PCMTD1: variants seen among roughly 807,000 people sequenced by gnomAD.
The protein encoded by PCMTD1 is protein-L-isoaspartate (D-aspartate) O-methyltransferase domain containing 1.
PCMTD1 carries 12 observed loss-of-function variants against 37.6 expected under a neutral mutation model. The ratio of observed to expected loss-of-function variants is 0.32; its 90% CI spans 0.20 to 0.52. The LOEUF (loss-of-function observed/expected upper bound fraction) is 0.52, where lower values mean the gene tolerates loss of function less well. Among genes scored for constraint, PCMTD1 ranks in the 20% least tolerant of loss-of-function variants. PCMTD1 has a pLI of 0.97. For missense variants in PCMTD1, 235 were observed against 421.3 expected, an observed-to-expected ratio of 0.56 and a Z score of 3.87; for synonymous variants, 117 against 135.8, an observed-to-expected ratio of 0.86 and a Z score of 0.96.
chr8:51,873,542 T>G (rs77532876), intron 1 of PCMTD1, among the ~76,000 whole-genome samples: 2 of 152,068 alleles, frequency 1.3e-5, no homozygotes, highest in Non-Finnish European at 2.9e-5. Context: ...GTTACTGATA[T>G]AGTTTTAATA....
intron 1 of PCMTD1, among the ~76,000 whole-genome samples, chr8:51,891,696 G>GTATA (rs5891441): frequency 0.019 from 2,660 of 142,642 alleles, 33 homozygotes; most frequent in East Asian, 0.048. Context: ...ACATATATAT[G>GTATA]TATATATATA....
At chr8:51,844,112 T>A (rs1021495570) in intron 3 of PCMTD1, among the ~76,000 whole-genome samples, 55 of 152,268 alleles carry the variant, frequency 3.6e-4, no homozygotes, top group African/African-American at 1.3e-3. Context: ...GCACTTACCA[T>A]GCCACTATAA....
intron 2 of PCMTD1, chr8:51,849,053 T>C (rs1764314402): frequency 6.6e-6 from 1 of 152,162 alleles, no homozygotes; most frequent in African/African-American, 2.4e-5. Context: ...CAACTCACAT[T>C]TGGTATCTGT....
chr8:51,889,684 A>C (rs1314793805), intron 1 of PCMTD1, among the ~76,000 whole-genome samples: 1 of 152,220 alleles, frequency 6.6e-6, no homozygotes, highest in African/African-American at 2.4e-5. Flanking sequence ...CGAAAATGTG[A>C]AAATGTGGAA....
At chr8:51,833,827 TATA>T (rs1198770618) in intron 3 of PCMTD1, 138 bp from the exon 4 acceptor site, 13 of 545,978 alleles carry the variant, frequency 2.4e-5, no homozygotes, top group Middle Eastern at 9.8e-4. Context: ...TTTATTTAAA[TATA>T]ATATTTATTA....
At chr8:51,873,902 T>C (rs551549568) in intron 1 of PCMTD1, among the ~76,000 whole-genome samples, 7 of 151,980 alleles carry the variant, frequency 4.6e-5, no homozygotes, top group Admixed American at 2.0e-4. Flanking sequence ...TATTTCTTTT[T>C]TTTTTCTTTT....
At chr8:51,897,556 C>CTGAAG (rs2039023517) in intron 1 of PCMTD1, among the ~76,000 whole-genome samples, 1 of 152,132 alleles carries the variant, frequency 6.6e-6, no homozygotes, top group African/African-American at 2.4e-5. Flanking sequence ...AATTCAGCAA[C>CTGAAG]TTTATGTTTT....
chr8:51,867,548 GATAA>G (rs1304860255), intron 1 of PCMTD1, among the ~76,000 whole-genome samples: 1 of 149,216 alleles, frequency 6.7e-6, no homozygotes, highest in African/African-American at 2.5e-5. Flanking sequence ...AGAAGAAAAA[GATAA>G]ATATAGACTT....
chr8:51,877,919 A>G (rs1416981630), intron 1 of PCMTD1, among the ~76,000 whole-genome samples: 1 of 152,034 alleles, frequency 6.6e-6, no homozygotes, highest in Non-Finnish European at 1.5e-5. Context: ...ACTAAAGTTA[A>G]AAAAAAATTC....
intron 1 of PCMTD1, among the ~76,000 whole-genome samples, chr8:51,881,478 T>C (rs1240164297): frequency 6.6e-6 from 1 of 152,150 alleles, no homozygotes; most frequent in South Asian, 2.1e-4. Flanking sequence ...CAGACTGTCA[T>C]CCTAATCCCA....
intron 2 of PCMTD1, among the ~76,000 whole-genome samples, chr8:51,859,343 G>C (rs1319674134): frequency 1.3e-5 from 2 of 152,080 alleles, no homozygotes; most frequent in African/African-American, 4.8e-5. Context: ...GGTGATAGAA[G>C]TGACAGATAT....
rs2037802731 is a variant in PCMTD1 at position 51,818,853 on chromosome 8, GA to G, written c.*1497del. 6.6e-6 allele frequency: 1 copy of G among 152,320 alleles called. No homozygotes were observed. The highest frequency in any genetic ancestry group is 2.1e-4 in the South Asian group (1 of 4,838). 9.4% of individuals were successfully genotyped at this position (152,320 alleles called of 1,614,324 possible). ...AACAATATCTGAATCTTAGCAGAGA[GA>G]TAATAATCCTTTCACTATACATTGC... is the stretch of plus-strand genomic sequence containing the variant. On this transcript the variant is annotated 3_prime_UTR_variant, in exon 6 of 6. Coordinates refer to ENST00000522514, the MANE Select transcript of PCMTD1 (RefSeq NM_052937.4).
Position 51,845,825 on chromosome 8 carries a change from T to C in PCMTD1, c.308-62A>G, listed in dbSNP as rs192307994. 6.1e-6 allele frequency: 7 copies of C among 1,147,978 alleles called. No individual in the cohort carries two copies. The African/African-American group carries it at 1.1e-4, about 18-fold the overall frequency. The allele number at this position is 1,147,978 out of a possible 1,614,324, so 71.1% of individuals were successfully genotyped here. A position where few individuals can be genotyped will look rare whatever the true frequency, so the allele number is the denominator to read the frequency against. On this transcript the variant is annotated intron_variant, in intron 2 of 5. Transcript: ENST00000522514. ...TAATATGCCCTTACAGAGCTCTTTTTTAAGTTCTGCTCATTTATACATCAC... is the reference window on the plus strand; with the variant it reads ...TAATATGCCCTTACAGAGCTCTTTTCTAAGTTCTGCTCATTTATACATCAC...
intron 5 of PCMTD1, among the ~76,000 whole-genome samples, chr8:51,825,642 C>A (rs1316016437): frequency 3.7e-5 from 1 of 26,670 alleles, no homozygotes; most frequent in African/African-American, 4.4e-5. Flanking sequence ...TGCAGTGAGC[C>A]GAGATTGCGC....
Position 51,860,854 on chromosome 8 carries a change from A to G in PCMTD1, c.298T>C (p.Leu100=). The change falls in exon 2 of 6, where the codon TTA becomes CTA. Residue 100 remains leucine (L), a synonymous_variant. Transcript: ENST00000522514. ...GTGYLSTMVG[L]ILGPFGINHG... is the part of the protein sequence containing the mutation. ...ACAAAAATAAAATTACCTAAAATTA[A>G]GCCCACCATTGTACTTAAATATCCG... is the stretch of plus-strand genomic sequence containing the variant. 1.3e-6 allele frequency: 2 copies of G among 1,582,994 alleles called. No homozygotes were observed. Among genetic ancestry groups the G allele is most frequent in the East Asian group, 2.2e-5 (1 of 44,606 alleles).
In PCMTD1 at chr8:51,860,916, T is replaced by G; in HGVS notation, c.236A>C (p.Gln79Pro). ...YSEVMEALKL[Q>P]PGLSFLNLGS... The stretch of plus-strand genomic sequence containing the variant: ...CAGGTTAAGAAAAGACAATCCTGGT[T>G]GAAGTTTCAATGCTTCCATAACTTC... The change falls in exon 2 of 6, where the codon CAA becomes CCA. Residue 79 changes from glutamine (Q) to proline (P), a missense_variant. This residue lies in a region of PCMTD1 where 183 missense variants were observed against 349.3 expected (regional missense o/e 0.52). Transcript: ENST00000522514. 2 of 1,614,140 alleles carry G rather than the reference T, an allele frequency of 1.2e-6. No homozygotes were observed. Among genetic ancestry groups the G allele is most frequent in the Non-Finnish European group, 1.7e-6 (2 of 1,179,974 alleles).
intron 5 of PCMTD1, among the ~76,000 whole-genome samples, chr8:51,829,938 A>G (rs2037976144): frequency 1.3e-5 from 2 of 152,230 alleles, no homozygotes; most frequent in African/African-American, 4.8e-5. Flanking sequence ...AACTAAGTCA[A>G]GAGGTTCCTT....
At chr8:51,838,733 G>A (rs1023043200) in intron 3 of PCMTD1, among the ~76,000 whole-genome samples, 3 of 152,072 alleles carry the variant, frequency 2.0e-5, no homozygotes, top group Non-Finnish European at 4.4e-5. Context: ...AGAGGTAAAG[G>A]ACATATTTTA....
Position 51,868,430 on chromosome 8 carries a change from C to T in PCMTD1, c.-95-7184G>A, listed in dbSNP as rs182534555. On this transcript the variant is annotated intron_variant, in intron 1 of 5. Transcript: ENST00000522514. Reference sequence around the variant, plus strand: ...AATGGCTATATGTGTTAAGTTCCTTCTGGAATGTGAGGCTGGGGGTGAAAA... The same window carrying T: ...AATGGCTATATGTGTTAAGTTCCTTTTGGAATGTGAGGCTGGGGGTGAAAA... 1.4e-4 allele frequency among the ~76,000 whole-genome samples: 21 copies of T among 152,216 alleles called. No homozygotes were observed. The East Asian group carries it at 3.9e-3, about 28-fold the overall frequency.
Sources: allele counts gnomAD v4.1 joint callset (sites outside exome capture counted in the v4.1 genomes callset), GRCh38; gene constraint gnomAD v4.1.1; regional missense constraint gnomAD v4.1.1; transcripts MANE v1.5; gene names NCBI Gene and HGNC (gene_info 2026-07-23, HGNC 2026-07-21).